The following PPP1R42 variants were observed in gnomAD, a reference collection of about 807,000 sequenced individuals.
PPP1R42 encodes leucine rich repeat containing 67.
Under a neutral mutation model 31.0 loss-of-function variants are expected in PPP1R42, and 34 were observed. The observed-to-expected ratio is 1.10, with a 90% CI of 0.83 to 1.46. PPP1R42 has a LOEUF of 1.46. Among genes scored for constraint, PPP1R42 ranks in the 40% most tolerant of loss-of-function variants. The pLI is 0.00. For missense variants in PPP1R42, 268 were observed against 303.0 expected (o/e 0.88, Z 0.86); for synonymous variants, 103 against 109.8 (o/e 0.94, Z 0.39).
rs1023114569 is a variant in PPP1R42, at chr8:67,028,527, G to A, written c.-121C>T. 1.0e-6 allele frequency: 1 copy of A among 985,404 alleles called. No homozygotes were observed. Among genetic ancestry groups the A allele is most frequent in the Non-Finnish European group, 1.2e-6 (1 of 829,976 alleles). 61.0% of individuals were successfully genotyped at this position (985,404 alleles called of 1,614,324 possible). ...CAGTCCGGTAGCTAACTCCAGTTTG[G>A]TCGGTTTCATCGGCGCCGGGTCCCT... On this transcript the variant is annotated 5_prime_UTR_variant, in exon 1 of 8. Coordinates refer to ENST00000685739, the MANE Select transcript of PPP1R42 (RefSeq NM_001364910.1).
chr8:66,988,843 A>G (rs1815104595), intron 5 of PPP1R42, among the ~76,000 whole-genome samples: 1 of 152,166 alleles, frequency 6.6e-6, no homozygotes, highest in Non-Finnish European at 1.5e-5. Flanking sequence ...AGCTCATAGA[A>G]GTTTACAGAT....
At chr8:67,004,046 C>T (rs559439859) in intron 5 of PPP1R42, among the ~76,000 whole-genome samples, 1 of 150,892 alleles carries the variant, frequency 6.6e-6, no homozygotes, top group Non-Finnish European at 1.5e-5. Context: ...GCCGAGATGG[C>T]ACCACTGCAC....
At chr8:67,018,810 C>T (rs1196000988) in intron 1 of PPP1R42, among the ~76,000 whole-genome samples, 1 of 22,444 alleles carries the variant, frequency 4.5e-5, no homozygotes, top group African/African-American at 1.2e-4. Context: ...CGTGCCTGGC[C>T]CCCGCCCCCC....
intron 1 of PPP1R42, among the ~76,000 whole-genome samples, chr8:67,026,501 G>C (rs1041164028): frequency 6.6e-6 from 1 of 152,068 alleles, no homozygotes; most frequent in African/African-American, 2.4e-5. Context: ...TCTAGTATAG[G>C]GAGGAAATCT....
chr8:67,003,917 C>T (rs1364832814), intron 5 of PPP1R42, among the ~76,000 whole-genome samples: 2 of 152,022 alleles, frequency 1.3e-5, no homozygotes, highest in East Asian at 1.9e-4. Flanking sequence ...GGTGAAACCC[C>T]GTCTCTACTA....
intron 6 of PPP1R42, 143 bp downstream of exon 6, chr8:66,988,257 C>G: frequency 7.9e-7 from 1 of 1,265,708 alleles, no homozygotes; most frequent in Non-Finnish European, 9.9e-7. Flanking sequence ...AACTTTTGCT[C>G]TTATTCAAAA....
In PPP1R42 at chr8:66,964,301, C is replaced by G. The variant is rs747492392; in HGVS notation, c.*20G>C. On this transcript the variant is annotated 3_prime_UTR_variant, in exon 8 of 8. Transcript: ENST00000685739. The stretch of plus-strand genomic sequence containing the variant: ...GAGGTTCATGCACATCATTTTTTGT[C>G]AGCAAGCTTTCAGATTGCTTCAAAG... 7.8e-7 allele frequency: 1 copy of G among 1,279,680 alleles called. No homozygotes were observed. The highest frequency in any genetic ancestry group is 1.3e-5 in the South Asian group (1 of 78,730). The allele number at this position is 1,279,680 out of a possible 1,614,324, so 79.3% of individuals were successfully genotyped here.
At position 66,985,792 on chromosome 8, in the gene PPP1R42, ATCATCTGTT is replaced by A. The variant is rs1274570888; in HGVS notation, c.670+2599_670+2607del. On this transcript the variant is annotated intron_variant, in intron 6 of 7. Transcript: ENST00000685739. ...CTGGATTTGCCATTTTGCTGCGTCC[ATCATCTGTT>A]TGATGTGGAGCTTAGTCAGCATGCC... 4 of 1,225,260 alleles carry A rather than the reference ATCATCTGTT, an allele frequency of 3.3e-6. No homozygotes were observed. The East Asian group carries it at 9.4e-5, about 29-fold the overall frequency. 75.9% of individuals were successfully genotyped at this position (1,225,260 alleles called of 1,614,324 possible).
At chr8:66,991,690 T>C (rs1236000126) in intron 5 of PPP1R42, among the ~76,000 whole-genome samples, 1 of 152,238 alleles carries the variant, frequency 6.6e-6, no homozygotes, top group Non-Finnish European at 1.5e-5. Context: ...GTAGTTCTTT[T>C]GTTCCCAGCC....
At chr8:67,002,496 G>C (rs961770589) in intron 5 of PPP1R42, among the ~76,000 whole-genome samples, 10 of 152,316 alleles carry the variant, frequency 6.6e-5, no homozygotes, top group Non-Finnish European at 1.5e-4. Flanking sequence ...ACTGTGCCTG[G>C]CTTTTAAGAT....
At chr8:66,988,270 T>C (rs746992402) in intron 6 of PPP1R42, 130 bp downstream of exon 6, 238 of 1,263,998 alleles carry the variant, frequency 1.9e-4, no homozygotes, top group African/African-American at 2.2e-4. Context: ...ATTCAAAATA[T>C]TGAATTTAAA....
chr8:67,021,158 T>A (rs1816204944), intron 1 of PPP1R42: 1 of 152,062 alleles, frequency 6.6e-6, no homozygotes, highest in Non-Finnish European at 1.5e-5. Flanking sequence ...ATAAAATACC[T>A]CAATGTGAAC....
At chr8:66,968,427 C>G (rs1318931309) in intron 7 of PPP1R42, 1 of 978,116 alleles carries the variant, frequency 1.0e-6, no homozygotes, top group East Asian at 1.1e-4. Flanking sequence ...GAAGATGCAC[C>G]GTAAGCTTAT....
In PPP1R42 at chr8:67,000,200, G is replaced by C. The variant is rs1281830654; in HGVS notation, c.552+10515C>G. 2.0e-5 allele frequency among the ~76,000 whole-genome samples: 3 copies of C among 151,906 alleles called. No homozygotes were observed. In the South Asian group the frequency reaches 6.3e-4, roughly 32 times the overall value. The stretch of plus-strand genomic sequence containing the variant: ...ATTTTTCTTGCTGCTTGAGGTACAA[G>C]ATTAGAGCATTGTTTTAATTTTTCT... On this transcript the variant is annotated intron_variant, in intron 5 of 7. Transcript: ENST00000685739.
intron 1 of PPP1R42, among the ~76,000 whole-genome samples, chr8:67,019,153 G>T (rs958974834): frequency 6.8e-6 from 1 of 147,550 alleles, no homozygotes; most frequent in African/African-American, 2.5e-5. Context: ...TGCAATCTTT[G>T]AACTCCTGGG....
At chr8:67,019,447 C>T (rs1438626750) in intron 1 of PPP1R42, among the ~76,000 whole-genome samples, 1 of 146,524 alleles carries the variant, frequency 6.8e-6, no homozygotes, top group Non-Finnish European at 1.5e-5. Flanking sequence ...ACCATCTTGG[C>T]CAGGCTGGTC....
chr8:67,017,190 AAGGCCGAGTGC>A (rs1412183877), intron 2 of PPP1R42, among the ~76,000 whole-genome samples: 1 of 152,166 alleles, frequency 6.6e-6, no homozygotes, highest in African/African-American at 2.4e-5. Flanking sequence ...TAAGTTAAAT[AAGGCCGAGTGC>A]AGTGGCTTGC....
chr8:67,023,791 T>G (rs992292097), intron 1 of PPP1R42, among the ~76,000 whole-genome samples: 1 of 152,098 alleles, frequency 6.6e-6, no homozygotes, highest in Admixed American at 6.6e-5. Flanking sequence ...TCACCAAGTA[T>G]GATATCTGCT....
chr8:67,017,355 A>G (rs1196618145), intron 2 of PPP1R42, among the ~76,000 whole-genome samples: 1 of 152,038 alleles, frequency 6.6e-6, no homozygotes, highest in Non-Finnish European at 1.5e-5. Context: ...TTAGCTGGGC[A>G]TGGTGGCACA....
Sources: allele counts gnomAD v4.1 joint callset (sites outside exome capture counted in the v4.1 genomes callset), GRCh38; gene constraint gnomAD v4.1.1; transcripts MANE v1.5; gene names NCBI Gene and HGNC (gene_info 2026-07-23, HGNC 2026-07-21).